Variants in PTPRZ1 observed in about 807,000 individuals in gnomAD.
The protein encoded by PTPRZ1 is protein tyrosine phosphatase receptor type Z1.
Under a neutral mutation model 214.1 loss-of-function variants are expected in PTPRZ1, and 82 were observed. That is an observed-to-expected ratio of 0.38 (90% confidence interval 0.32 to 0.46). The LOEUF (loss-of-function observed/expected upper bound fraction) is 0.46, where lower values mean the gene tolerates loss of function less well. Among genes scored for constraint, PTPRZ1 ranks in the 20% least tolerant of loss-of-function variants. PTPRZ1 has a pLI of 1.00. For synonymous variants in PTPRZ1, 945 were observed against 987.9 expected, an observed-to-expected ratio of 0.96 and a Z score of 0.81; for missense variants, 2,603 against 2,748.7, an observed-to-expected ratio of 0.95 and a Z score of 1.19.
chr7:121,964,422 A>G (rs1207947515), intron 2 of PTPRZ1, among the ~76,000 whole-genome samples: 1 of 152,290 alleles, frequency 6.6e-6, no homozygotes, highest in East Asian at 1.9e-4. Flanking sequence ...TTATAAAACC[A>G]GAAGATCTCA....
intron 1 of PTPRZ1, among the ~76,000 whole-genome samples, chr7:121,898,290 T>C (rs926665303): frequency 6.6e-6 from 1 of 152,116 alleles, no homozygotes; most frequent in Non-Finnish European, 1.5e-5. Context: ...TATGAATGAT[T>C]CTATGCTGTG....
At chr7:121,904,721 AAAT>A (rs942982244) in intron 1 of PTPRZ1, among the ~76,000 whole-genome samples, 2 of 152,182 alleles carry the variant, frequency 1.3e-5, no homozygotes, top group African/African-American at 4.8e-5. Context: ...TCTAGAATTT[AAAT>A]AATAACTTCT....
At chr7:122,039,714 C>G in intron 20 of PTPRZ1, 126 bp downstream of exon 20, 1 of 1,165,750 alleles carries the variant, frequency 8.6e-7, no homozygotes, top group South Asian at 1.6e-5. Context: ...ATTCTTGTAA[C>G]CAGGCCAGGT....
At chr7:121,993,144 T>G (rs940710201) in intron 8 of PTPRZ1, among the ~76,000 whole-genome samples, 11 of 152,218 alleles carry the variant, frequency 7.2e-5, no homozygotes, top group African/African-American at 2.7e-4. Context: ...TTTTTGTTAC[T>G]ATTTTACTTT....
At chr7:121,956,745 A>G (rs941049251) in intron 2 of PTPRZ1, among the ~76,000 whole-genome samples, 2 of 152,172 alleles carry the variant, frequency 1.3e-5, no homozygotes, top group African/African-American at 4.8e-5. Context: ...CATAAGAACT[A>G]ATTTGTTTTC....
chr7:121,924,647 T>A (rs933031864), intron 1 of PTPRZ1, among the ~76,000 whole-genome samples: 1 of 152,216 alleles, frequency 6.6e-6, no homozygotes, highest in African/African-American at 2.4e-5. Flanking sequence ...TGTTATCCTT[T>A]AGAAGGAATC....
intron 2 of PTPRZ1, among the ~76,000 whole-genome samples, chr7:121,931,309 C>T (rs1206505): frequency 0.69 from 104,179 of 151,990 alleles, 37,275 homozygotes; most frequent in African/African-American, 0.9. Context: ...TTAGTTTTGT[C>T]AACAGCTAAC....
intron 6 of PTPRZ1, among the ~76,000 whole-genome samples, chr7:121,982,564 G>A (rs1472918008): frequency 6.6e-6 from 1 of 151,980 alleles, no homozygotes; most frequent in East Asian, 1.9e-4. Context: ...AGAATGTTTT[G>A]TAATTTTCAG....
At chr7:122,015,815 T>G (rs765527538) in intron 12 of PTPRZ1, among the ~76,000 whole-genome samples, 36 of 152,040 alleles carry the variant, frequency 2.4e-4, no homozygotes, top group Admixed American at 1.1e-3. Flanking sequence ...CTCCCACTAA[T>G]TAGGATAAAA....
At chr7:121,962,338 C>T (rs1408714972) in intron 2 of PTPRZ1, among the ~76,000 whole-genome samples, 1 of 151,408 alleles carries the variant, frequency 6.6e-6, no homozygotes, top group African/African-American at 2.4e-5. Context: ...ATCCCAGCTA[C>T]TCAGGAGGCT....
chr7:121,992,030 C>A (rs150682056), intron 8 of PTPRZ1, among the ~76,000 whole-genome samples: 1 of 152,164 alleles, frequency 6.6e-6, no homozygotes, highest in Non-Finnish European at 1.5e-5. Flanking sequence ...CATGTATTTA[C>A]GAAGCACTTT....
At chr7:121,909,008 A>G in intron 1 of PTPRZ1, 1 of 510,894 alleles carries the variant, frequency 2.0e-6, no homozygotes, top group Non-Finnish European at 3.9e-6. Flanking sequence ...TGATTATTCG[A>G]TGTATTAGAT....
At position 122,006,432 on chromosome 7, in the gene PTPRZ1, T is replaced by A. The variant is rs560465969; in HGVS notation, c.1287+1772T>A. 2.6e-5 allele frequency among the ~76,000 whole-genome samples: 4 copies of A among 152,210 alleles called. No homozygotes were observed. The East Asian group carries it at 7.7e-4, about 29-fold the overall frequency. ...TTTCTCAGCCTCTAATAACCACTAT[T>A]CTACACTCTACTTCTATTAGATCAA... is the stretch of plus-strand genomic sequence containing the variant. On this transcript the variant is annotated intron_variant, in intron 11 of 29. Transcript: ENST00000393386.
intron 1 of PTPRZ1, among the ~76,000 whole-genome samples, chr7:121,909,415 A>G (rs1448233760): frequency 6.6e-6 from 1 of 152,126 alleles, no homozygotes; most frequent in Non-Finnish European, 1.5e-5. Flanking sequence ...TTCGGGGAGG[A>G]AAGTGGAAAT....
intron 17 of PTPRZ1, among the ~76,000 whole-genome samples, chr7:122,035,537 A>G (rs1799510346): frequency 6.6e-6 from 1 of 152,242 alleles, no homozygotes; most frequent in Non-Finnish European, 1.5e-5. Context: ...AATCCCTGAA[A>G]CAACCAGGCA....
intron 14 of PTPRZ1, among the ~76,000 whole-genome samples, chr7:122,029,096 G>GT (rs869169681): frequency 0.011 from 1,623 of 147,034 alleles, 19 homozygotes; most frequent in Non-Finnish European, 0.015. Flanking sequence ...TGAGAAAAGG[G>GT]TTTTTTTTTT....
intron 13 of PTPRZ1, among the ~76,000 whole-genome samples, chr7:122,021,768 GTA>G (rs1235070729): frequency 6.6e-6 from 1 of 151,974 alleles, no homozygotes; most frequent in Non-Finnish European, 1.5e-5. Context: ...ATGGTTTTAT[GTA>G]TATGTTTTAT....
chr7:122,050,036 A>C (rs1442968438), intron 23 of PTPRZ1, among the ~76,000 whole-genome samples: 1 of 152,196 alleles, frequency 6.6e-6, no homozygotes, highest in Admixed American at 6.5e-5. Context: ...TTCATGTCAA[A>C]AAAAGTAACA....
At chr7:122,040,784 T>TG (rs1188566237) in intron 20 of PTPRZ1, 32 bp from the exon 21 acceptor site, 28 of 1,119,668 alleles carry the variant, frequency 2.5e-5, no homozygotes, top group Non-Finnish European at 2.4e-6. Context: ...GTGTGTGTGT[T>TG]TGACTGTTAT....
Sources: gnomAD v4.1 joint callset for allele counts (sites outside exome capture counted in the v4.1 genomes callset) on GRCh38, gnomAD v4.1.1 for gene constraint, MANE v1.5 for transcripts, NCBI Gene and HGNC (gene_info 2026-07-23, HGNC 2026-07-21) for gene names.